Variants in OXSR1 observed in about 807,000 individuals in gnomAD.
The protein encoded by OXSR1 is oxidative stress responsive kinase 1.
OXSR1 carries 24 observed loss-of-function variants against 79.8 expected under a neutral mutation model. The observed-to-expected ratio is 0.30, with a 90% CI of 0.22 to 0.42. OXSR1 has a LOEUF of 0.42. Among genes scored for constraint, OXSR1 ranks in the 10% least tolerant of loss-of-function variants. The pLI, the probability that OXSR1 is intolerant of heterozygous loss-of-function variation, is 1.00. For missense variants in OXSR1, 430 were observed against 618.4 expected (o/e 0.70, Z 3.23); for synonymous variants, 226 against 209.2 (o/e 1.08, Z -0.69).
At chr3:38,246,550 A>G (rs1703146288) in intron 13 of OXSR1, among the ~76,000 whole-genome samples, 1 of 152,140 alleles carries the variant, frequency 6.6e-6, no homozygotes, top group African/African-American at 2.4e-5. Context: ...AGGAGAATCG[A>G]TGGCTGTACT....
intron 1 of OXSR1, among the ~76,000 whole-genome samples, chr3:38,181,454 C>T (rs1470468515): frequency 6.7e-6 from 1 of 150,328 alleles, no homozygotes; most frequent in African/African-American, 2.5e-5. Flanking sequence ...CTCCCAGGTT[C>T]AAGTCATTCT....
At chr3:38,249,916 T>C (rs1703220642) in intron 14 of OXSR1, 50 bp from the exon 15 acceptor site, 1 of 1,096,362 alleles carries the variant, frequency 9.1e-7, no homozygotes, top group Admixed American at 1.8e-5. Flanking sequence ...CAGAATCTCT[T>C]TGCATAAATT....
chr3:38,192,998 A>G (rs1702010159), intron 3 of OXSR1, among the ~76,000 whole-genome samples: 1 of 152,242 alleles, frequency 6.6e-6, no homozygotes, highest in Non-Finnish European at 1.5e-5. Flanking sequence ...AAACAACATA[A>G]GGCTTTAGAA....
At chr3:38,179,776 G>A (rs1701746505) in intron 1 of OXSR1, among the ~76,000 whole-genome samples, 1 of 150,648 alleles carries the variant, frequency 6.6e-6, no homozygotes, top group South Asian at 2.1e-4. Flanking sequence ...TGTGAATACT[G>A]TATTTTCCAT....
chr3:38,170,659 A>G (rs1701563400), intron 1 of OXSR1, among the ~76,000 whole-genome samples: 1 of 152,214 alleles, frequency 6.6e-6, no homozygotes, highest in Admixed American at 6.5e-5. Flanking sequence ...TTAGAGGCAG[A>G]GCCAATACTG....
chr3:38,246,537 A>T (rs1476725452), intron 13 of OXSR1, among the ~76,000 whole-genome samples: 1 of 152,220 alleles, frequency 6.6e-6, no homozygotes, highest in Admixed American at 6.5e-5. Context: ...TTCAACAGAG[A>T]CTAGGAGAAT....
At chr3:38,205,753 A>G (rs1206142451) in intron 4 of OXSR1, among the ~76,000 whole-genome samples, 1 of 152,184 alleles carries the variant, frequency 6.6e-6, no homozygotes, top group Non-Finnish European at 1.5e-5. Context: ...TAGAACCTCC[A>G]TGCTGACTGA....
chr3:38,238,828 C>G (rs1018447865), intron 11 of OXSR1, among the ~76,000 whole-genome samples: 1 of 151,860 alleles, frequency 6.6e-6, no homozygotes, highest in Non-Finnish European at 1.5e-5. Context: ...TGTTGAGCTT[C>G]TTGGATCTGT....
At chr3:38,208,982 G>GTA (rs1011448457) in intron 4 of OXSR1, among the ~76,000 whole-genome samples, 2 of 127,780 alleles carry the variant, frequency 1.6e-5, no homozygotes, top group Non-Finnish European at 1.6e-5. Flanking sequence ...GTGTGTGTGT[G>GTA]TGTGCGCGCG....
At chr3:38,188,846 C>T (rs980999427) in intron 2 of OXSR1, among the ~76,000 whole-genome samples, 6 of 152,100 alleles carry the variant, frequency 3.9e-5, no homozygotes, top group African/African-American at 1.4e-4. Context: ...CATGTAGTGT[C>T]TAGTACTTCC....
In OXSR1 at chr3:38,171,973, G is replaced by A. The variant is rs569701278; in HGVS notation, c.70+6027G>A. Among the ~76,000 whole-genome samples, 6 of 152,300 alleles carry A rather than the reference G, an allele frequency of 3.9e-5. No homozygotes were observed. In the South Asian group the frequency reaches 1.2e-3, roughly 32 times the overall value. ...AATTATATGATTAGTTTCCGTGTCAGCTTTTTGTCTGTATAGTGGGGAGAA... is the reference window on the plus strand; with the variant it reads ...AATTATATGATTAGTTTCCGTGTCAACTTTTTGTCTGTATAGTGGGGAGAA... On this transcript the variant is annotated intron_variant, in intron 1 of 17. Coordinates refer to ENST00000311806, the MANE Select transcript of OXSR1 (RefSeq NM_005109.3).
intron 2 of OXSR1, among the ~76,000 whole-genome samples, chr3:38,186,807 T>C (rs1031772069): frequency 1.3e-5 from 2 of 152,348 alleles, no homozygotes; most frequent in Non-Finnish European, 2.9e-5. Context: ...TTGTGTTTTA[T>C]TATCTTGAGT....
In OXSR1 at chr3:38,224,582, G is replaced by T. The variant is rs1047698042; in HGVS notation, c.714G>T (p.Leu238=). 23 of 1,583,522 alleles carry T rather than the reference G, an allele frequency of 1.5e-5. No homozygotes were observed. The highest frequency in any genetic ancestry group is 1.8e-5 in the Non-Finnish European group (21 of 1,170,578). Residue 238 remains leucine, a synonymous_variant, in exon 8 of 18, where the codon CTG becomes CTT. Coordinates refer to ENST00000311806, the MANE Select transcript of OXSR1 (RefSeq NM_005109.3). ...GAAAATTCTTGCAGGTTTTAATGCT[G>T]ACACTGCAGAACGATCCTCCTTCTT... ...HKYPPMKVLM[L]TLQNDPPSLE...
At position 38,230,429 on chromosome 3, in the gene OXSR1, A is replaced by G; in HGVS notation, c.950A>G (p.Lys317Arg). 1 of 1,590,958 alleles carries G rather than the reference A, an allele frequency of 6.3e-7. No individual in the cohort carries two copies. Among genetic ancestry groups the G allele is most frequent in the Non-Finnish European group, 8.6e-7 (1 of 1,160,558 alleles). ...CCAACCATTTCTGAAAGAGCAAAAAAGGTAAATCAGAATTTAACTCAGTTT... is the reference window on the plus strand; with the variant it reads ...CCAACCATTTCTGAAAGAGCAAAAAGGGTAAATCAGAATTTAACTCAGTTT... ...RAPTISERAK[K>R]VRRVPGSSGR... is the part of the protein sequence containing the mutation. Residue 317 changes from lysine to arginine, a missense_variant and splice_region_variant, in exon 10 of 18, where the codon AAG becomes AGG. This residue lies in a region of OXSR1 where 276 missense variants were observed against 354.2 expected (regional missense o/e 0.78). Coordinates refer to ENST00000311806, the MANE Select transcript of OXSR1 (RefSeq NM_005109.3).
chr3:38,245,989 T>C (rs1210343487), intron 12 of OXSR1, 86 bp from the exon 13 acceptor site: 2 of 1,201,848 alleles, frequency 1.7e-6, no homozygotes, highest in Non-Finnish European at 2.5e-6. Flanking sequence ...TTTGAAAATA[T>C]CACCCTGAAA....
chr3:38,168,900 G>C (rs1489901394), intron 1 of OXSR1, among the ~76,000 whole-genome samples: 1 of 152,068 alleles, frequency 6.6e-6, no homozygotes. Flanking sequence ...CTGCTTTTTG[G>C]CTGTTTGGAA....
intron 4 of OXSR1, among the ~76,000 whole-genome samples, chr3:38,207,427 A>T (rs1279116070): frequency 6.6e-6 from 1 of 152,158 alleles, no homozygotes; most frequent in Non-Finnish European, 1.5e-5. Flanking sequence ...GATTTCCACC[A>T]CATCCACATT....
Position 38,252,353 on chromosome 3 carries a change from G to T in OXSR1, c.1470G>T (p.Val490=), listed in dbSNP as rs1001719563. 1 of 1,611,706 alleles carries T rather than the reference G, an allele frequency of 6.2e-7. No homozygotes were observed. Among genetic ancestry groups the T allele is most frequent in the African/African-American group, 1.3e-5 (1 of 74,830 alleles). Residue 490 remains valine (V), a synonymous_variant, in exon 17 of 18, where the codon GTG becomes GTT. Transcript: ENST00000311806. ...VIVAANLQKI[V]EEPQSNRSVT... is the part of the protein sequence containing the mutation. ...TGGCAGCTAATTTGCAGAAAATTGTGGAAGAACCTCAGTCAAATCGATCTG... is the reference window on the plus strand; with the variant it reads ...TGGCAGCTAATTTGCAGAAAATTGTTGAAGAACCTCAGTCAAATCGATCTG...
chr3:38,165,720 C>T lies in OXSR1; in HGVS notation c.-157C>T. ...CCCCCGCTGCTCTGCCGCGCGGTGA[C>T]CCCGCGCCCCGGCGCCGTCCGACCC... On this transcript the variant is annotated 5_prime_UTR_variant, in exon 1 of 18. Coordinates refer to ENST00000311806, the MANE Select transcript of OXSR1 (RefSeq NM_005109.3). 1.1e-5 allele frequency: 7 copies of T among 616,462 alleles called. No homozygotes were observed. The South Asian group carries it at 1.4e-4, about 13-fold the overall frequency. The allele number at this position is 616,462 out of a possible 1,614,324, so 38.2% of individuals were successfully genotyped here.
Sources: gnomAD v4.1 joint callset for allele counts (sites outside exome capture counted in the v4.1 genomes callset) on GRCh38, gnomAD v4.1.1 for gene constraint, gnomAD v4.1.1 regional missense constraint, MANE v1.5 for transcripts, NCBI Gene and HGNC (gene_info 2026-07-23, HGNC 2026-07-21) for gene names.